Variants in ULK4 observed in about 807,000 individuals in gnomAD.
ULK4 encodes unc-51 like kinase 4.
ULK4 carries 133 observed loss-of-function variants against 160.6 expected under a neutral mutation model. The ratio of observed to expected loss-of-function variants is 0.83; its 90% CI spans 0.72 to 0.96. The LOEUF (loss-of-function observed/expected upper bound fraction) is 0.96, where lower values mean the gene tolerates loss of function less well. Among genes scored for constraint, ULK4 ranks in the 40% least tolerant of loss-of-function variants. ULK4 has a pLI of 0.00. For missense variants in ULK4, 1,580 were observed against 1,499.5 expected, an observed-to-expected ratio of 1.05 and a Z score of -0.89; for synonymous variants, 534 against 539.8, an observed-to-expected ratio of 0.99 and a Z score of 0.15.
At chr3:41,888,947 GAGAA>G (rs1252331344) in intron 16 of ULK4, among the ~76,000 whole-genome samples, 15 of 152,078 alleles carry the variant, frequency 9.9e-5, no homozygotes, top group Admixed American at 8.5e-4. Flanking sequence ...GAGGCTATTG[GAGAA>G]AGAGACTTAG....
At chr3:41,699,395 T>C (rs576295429) in intron 27 of ULK4, among the ~76,000 whole-genome samples, 2 of 152,348 alleles carry the variant, frequency 1.3e-5, no homozygotes, top group South Asian at 2.1e-4. Context: ...TAAAGTTAAA[T>C]AGAAATATAT....
intron 17 of ULK4, among the ~76,000 whole-genome samples, chr3:41,875,462 C>CA (rs1431905008): frequency 6.6e-6 from 1 of 151,826 alleles, no homozygotes; most frequent in Non-Finnish European, 1.5e-5. Flanking sequence ...TACGTCTCTA[C>CA]AAAAAATAAA....
At chr3:41,944,859 A>G (rs1010871344) in intron 2 of ULK4, among the ~76,000 whole-genome samples, 8 of 152,092 alleles carry the variant, frequency 5.3e-5, no homozygotes, top group African/African-American at 1.9e-4. Context: ...TCACCTTATT[A>G]GCAGCATCTC....
At chr3:41,457,852 C>A (rs1055278466) in intron 33 of ULK4, among the ~76,000 whole-genome samples, 1 of 152,152 alleles carries the variant, frequency 6.6e-6, no homozygotes, top group Admixed American at 6.5e-5. Flanking sequence ...GAACTCACCC[C>A]ACTCCTAGCG....
At position 41,647,152 on chromosome 3, in the gene ULK4, C is replaced by T. The variant is rs540032528; in HGVS notation, c.3071+16455G>A. ...CTTGGGTTTGAATTTTCTCCTGTAG[C>T]TCGGAGTAGTTTGATCGTCTGAAGC... On this transcript the variant is annotated intron_variant, in intron 30 of 36. Transcript: ENST00000301831. 4.6e-5 allele frequency among the ~76,000 whole-genome samples: 7 copies of T among 152,274 alleles called. No homozygotes were observed. The South Asian group carries it at 1.4e-3, about 32-fold the overall frequency.
intron 35 of ULK4, among the ~76,000 whole-genome samples, chr3:41,359,196 A>T (rs1030646753): frequency 6.6e-6 from 1 of 152,236 alleles, no homozygotes; most frequent in Non-Finnish European, 1.5e-5. Context: ...TGGGGAGGCC[A>T]TGAGAAGCCT....
chr3:41,757,521 ACTCCGG>A (rs904765905), intron 21 of ULK4, among the ~76,000 whole-genome samples: 9 of 147,604 alleles, frequency 6.1e-5, no homozygotes, highest in Admixed American at 3.4e-4. Flanking sequence ...AGTCCCAGCT[ACTCCGG>A]AGGCTGAGGC....
At chr3:41,477,145 G>T (rs1234145852) in intron 32 of ULK4, among the ~76,000 whole-genome samples, 1 of 152,062 alleles carries the variant, frequency 6.6e-6, no homozygotes, top group Non-Finnish European at 1.5e-5. Flanking sequence ...GAATTATTTT[G>T]CATTAATTAT....
intron 16 of ULK4, among the ~76,000 whole-genome samples, chr3:41,893,756 A>T (rs774144303): frequency 6.6e-6 from 1 of 152,160 alleles, no homozygotes; most frequent in African/African-American, 2.4e-5. Context: ...ACAATACGTA[A>T]TATATATGTT....
intron 34 of ULK4, among the ~76,000 whole-genome samples, chr3:41,444,432 T>C (rs2083247952): frequency 6.6e-6 from 1 of 151,964 alleles, no homozygotes. Flanking sequence ...TGTCTCATAA[T>C]GAATTTGTTA....
rs530578525 is a variant in ULK4, at chr3:41,937,197, A to G, written c.238+901T>C. ...TTTTGGTGGGTGACGTGCAGTTACA[A>G]ACGTAGGCATGTTTTACAGTTAGGA... On this transcript the variant is annotated intron_variant, in intron 3 of 36. Coordinates refer to ENST00000301831, the MANE Select transcript of ULK4 (RefSeq NM_017886.4). 4.8e-5 allele frequency: 23 copies of G among 483,682 alleles called. 1 individual carries two copies. The highest frequency in any genetic ancestry group is 3.9e-4 in the African/African-American group (20 of 51,454). The allele number at this position is 483,682 out of a possible 1,614,324, so 30.0% of individuals were successfully genotyped here.
At chr3:41,732,180 C>G (rs1349504908) in intron 22 of ULK4, among the ~76,000 whole-genome samples, 1 of 151,972 alleles carries the variant, frequency 6.6e-6, no homozygotes, top group Non-Finnish European at 1.5e-5. Flanking sequence ...CAAGGGTGAA[C>G]AGACAGGCTA....
intron 35 of ULK4, among the ~76,000 whole-genome samples, chr3:41,276,444 C>T (rs2079229759): frequency 6.6e-6 from 1 of 152,132 alleles, no homozygotes; most frequent in African/African-American, 2.4e-5. Context: ...AAGCTCCAGC[C>T]CTTGCACCCT....
intron 17 of ULK4, among the ~76,000 whole-genome samples, chr3:41,841,258 G>C (rs952018805): frequency 9.7e-5 from 14 of 143,642 alleles, no homozygotes; most frequent in Admixed American, 9.0e-4. Flanking sequence ...GGGAGGTGGG[G>C]AGCGCCTCTG....
chr3:41,917,642 G>C (rs188110842), intron 7 of ULK4, among the ~76,000 whole-genome samples: 168 of 152,082 alleles, frequency 1.1e-3, no homozygotes, highest in African/African-American at 3.9e-3. Context: ...CAATTTATAT[G>C]ATTAAAGTTC....
intron 32 of ULK4, among the ~76,000 whole-genome samples, chr3:41,498,181 A>G (rs2085059030): frequency 6.6e-6 from 1 of 152,234 alleles, no homozygotes; most frequent in South Asian, 2.1e-4. Flanking sequence ...AATTTTCAAA[A>G]AACTGAAATG....
chr3:41,495,256 C>A (rs79979570), intron 32 of ULK4, among the ~76,000 whole-genome samples: 1 of 151,480 alleles, frequency 6.6e-6, no homozygotes, highest in African/African-American at 2.4e-5. Flanking sequence ...CAGAACAGAG[C>A]CCTCAGAAAT....
At chr3:41,681,401 T>C (rs1374896630) in intron 29 of ULK4, 107 bp downstream of exon 29, 1 of 1,467,790 alleles carries the variant, frequency 6.8e-7, no homozygotes, top group Non-Finnish European at 9.2e-7. Flanking sequence ...CATATGTGTA[T>C]AAACATAAGG....
rs2035306143 is a variant in ULK4 at position 41,664,889 on chromosome 3, A to G, written c.2979-1190T>C. 2.0e-5 allele frequency among the ~76,000 whole-genome samples: 3 copies of G among 152,242 alleles called. No individual in the cohort carries two copies. The South Asian group carries it at 6.2e-4, about 32-fold the overall frequency. On this transcript the variant is annotated intron_variant, in intron 29 of 36. Coordinates refer to ENST00000301831, the MANE Select transcript of ULK4 (RefSeq NM_017886.4). Reference sequence around the variant, plus strand: ...TGTTTTCATCACAATTTCCACAACAAAATTTTCCCAAGATTGTTTTCCCAT... The same window carrying G: ...TGTTTTCATCACAATTTCCACAACAGAATTTTCCCAAGATTGTTTTCCCAT...
Sources: gnomAD v4.1 joint callset for allele counts (sites outside exome capture counted in the v4.1 genomes callset) on GRCh38, gnomAD v4.1.1 for gene constraint, MANE v1.5 for transcripts, NCBI Gene and HGNC (gene_info 2026-07-23, HGNC 2026-07-21) for gene names.